Variants in FAR2 observed in about 807,000 individuals in gnomAD.
FAR2 encodes fatty acyl-CoA reductase 2, also known as epididymis secretory protein Li 81.
A neutral mutation model predicts 56.0 loss-of-function variants in FAR2; 19 were observed. The ratio of observed to expected loss-of-function variants is 0.34; its 90% CI spans 0.24 to 0.50. The LOEUF is 0.50. Ranked by LOEUF, FAR2 falls within the 20% of genes least tolerant of loss-of-function variation. FAR2 has a pLI of 0.98. For missense variants in FAR2, 508 were observed against 642.2 expected (o/e 0.79, Z 2.26); for synonymous variants, 219 against 218.8 (o/e 1.00, Z -0.01).
In FAR2 at chr12:29,260,865, ACCCAAGGCC is replaced by A. The variant is rs374576050; in HGVS notation, c.-38-9537_-38-9529del. Among the ~76,000 whole-genome samples the A allele has an allele frequency of 4.5e-3, 687 of 152,226 alleles. 2 individuals carry two copies. Among genetic ancestry groups the A allele is most frequent in the Non-Finnish European group, 7.3e-3 (496 of 68,012 alleles). On this transcript the variant is annotated intron_variant, in intron 1 of 11. Transcript: ENST00000536681. Reference sequence around the variant, plus strand: ...AATCCAGGGAATTCTCTTGGATCTTACCCAAGGCCCCCAAGGCCACCAAGGCAGTACCTT... The same window carrying A: ...AATCCAGGGAATTCTCTTGGATCTTACCCAAGGCCACCAAGGCAGTACCTT...
chr12:29,307,752 G>T lies in FAR2; in HGVS notation c.640G>T (p.Val214Leu). The T allele has an allele frequency of 6.2e-7, 1 of 1,613,812 alleles. No homozygotes were observed. The highest frequency in any genetic ancestry group is 8.5e-7 in the Non-Finnish European group (1 of 1,179,926). Residue 214 changes from valine (V) to leucine (L), a missense_variant, in exon 5 of 12, where the codon GTG becomes TTG. Val to Leu is a conservative substitution (Grantham distance 32, BLOSUM62 1). Coordinates refer to ENST00000536681, the MANE Select transcript of FAR2 (RefSeq NM_001271783.2). Reference sequence around the variant, plus strand: ...CTACACCAAGGCCTTGGGAGAAATGGTGGTGCAGCAAGAGAGCAGGAACCT... The same window carrying T: ...CTACACCAAGGCCTTGGGAGAAATGTTGGTGCAGCAAGAGAGCAGGAACCT... ...YTYTKALGEM[V>L]VQQESRNLNI...
At chr12:29,174,566 G>GC (rs1949918971) in intron 1 of FAR2, among the ~76,000 whole-genome samples, 1 of 148,894 alleles carries the variant, frequency 6.7e-6, no homozygotes, top group Non-Finnish European at 1.5e-5. Context: ...CACTACAGGG[G>GC]CCCACCACCA....
At chr12:29,310,925 T>C in intron 6 of FAR2, 103 bp from the exon 7 acceptor site, 1 of 846,228 alleles carries the variant, frequency 1.2e-6, no homozygotes, top group South Asian at 1.5e-5. Context: ...ATGTTAGCTG[T>C]TTTCACTTAT....
At chr12:29,284,040 C>T (rs1205912697) in intron 2 of FAR2, among the ~76,000 whole-genome samples, 4 of 152,190 alleles carry the variant, frequency 2.6e-5, no homozygotes, top group African/African-American at 9.7e-5. Context: ...TTTACAACAA[C>T]CATGTCCCAC....
intron 7 of FAR2, 119 bp from the exon 8 acceptor site, chr12:29,311,764 A>C: frequency 3.1e-6 from 2 of 654,790 alleles, no homozygotes; most frequent in South Asian, 4.2e-5. Context: ...AGCCTTTCAT[A>C]GGTTGCCTTA....
chr12:29,312,746 CT>C (rs2136792799), intron 8 of FAR2, among the ~76,000 whole-genome samples: 1 of 152,258 alleles, frequency 6.6e-6, no homozygotes, highest in East Asian at 1.9e-4. Context: ...TTTGGCTATT[CT>C]GTAGGATTTC....
intron 4 of FAR2, among the ~76,000 whole-genome samples, chr12:29,299,803 CTGTT>C: frequency 3.1e-5 from 1 of 32,656 alleles, no homozygotes; most frequent in Non-Finnish European, 6.3e-5. Context: ...ACTCGAAACT[CTGTT>C]TGTCCCTAGA....
Position 29,270,264 on chromosome 12 carries a change from C to T in FAR2, c.-38-148C>T, listed in dbSNP as rs555512154. The T allele has an allele frequency of 1.2e-4, 59 of 509,954 alleles. 1 individual carries two copies. Among genetic ancestry groups the T allele is most frequent in the African/African-American group, 1.1e-3 (56 of 51,738 alleles). 31.6% of individuals were successfully genotyped at this position (509,954 alleles called of 1,614,324 possible). ...TCAATAAATATTGATTGGAATGAGT[C>T]GTATTGCTTAAAAGCCACGATGCTC... is the stretch of plus-strand genomic sequence containing the variant. On this transcript the variant is annotated intron_variant, in intron 1 of 11. Transcript: ENST00000536681.
At chr12:29,225,523 A>G (rs16934037) in intron 1 of FAR2, among the ~76,000 whole-genome samples, 7,664 of 152,224 alleles carry the variant, frequency 0.05, 463 homozygotes, top group African/African-American at 0.15. Context: ...AATGCTCTAA[A>G]AAATTCGCAT....
intron 1 of FAR2, among the ~76,000 whole-genome samples, chr12:29,233,549 A>C (rs565628090): frequency 6.6e-6 from 1 of 152,292 alleles, no homozygotes; most frequent in African/African-American, 2.4e-5. Flanking sequence ...GCCTGCATGC[A>C]TTTATTTGTA....
In FAR2 at chr12:29,230,487, T is replaced by G. The variant is rs1324000669; in HGVS notation, c.-38-39925T>G. Among the ~76,000 whole-genome samples, 9 of 152,056 alleles carry G rather than the reference T, an allele frequency of 5.9e-5. 1 individual carries two copies. Among genetic ancestry groups the G allele is most frequent in the Admixed American group, 5.9e-4 (9 of 15,264 alleles). Reference sequence around the variant, plus strand: ...GAGGTCATGGGGCCACATTGTCCAGTGCCTTGCATGTGAGCCAGGCAACCC... The same window carrying G: ...GAGGTCATGGGGCCACATTGTCCAGGGCCTTGCATGTGAGCCAGGCAACCC... On this transcript the variant is annotated intron_variant, in intron 1 of 11. Transcript: ENST00000536681.
rs547754400 is a variant in FAR2, at chr12:29,240,237, A to T, written c.-38-30175A>T. Among the ~76,000 whole-genome samples the T allele has an allele frequency of 3.9e-5, 6 of 152,292 alleles. No homozygotes were observed. The South Asian group carries it at 1.0e-3, about 26-fold the overall frequency. ...CCTTTAGTAAGCAAAAACATAACTC[A>T]TGCCAGATTCCAAGCATTCTGGAAG... On this transcript the variant is annotated intron_variant, in intron 1 of 11. Transcript: ENST00000536681.
intron 1 of FAR2, among the ~76,000 whole-genome samples, chr12:29,180,633 CT>C (rs1242533172): frequency 6.6e-6 from 1 of 152,122 alleles, no homozygotes; most frequent in Non-Finnish European, 1.5e-5. Flanking sequence ...CCAAGGATGA[CT>C]TTTATGGGAG....
At chr12:29,248,040 T>C (rs1948155186) in intron 1 of FAR2, among the ~76,000 whole-genome samples, 1 of 152,222 alleles carries the variant, frequency 6.6e-6, no homozygotes, top group Non-Finnish European at 1.5e-5. Context: ...CATGTATTGT[T>C]ATGTGTGACA....
Position 29,311,884 on chromosome 12 carries a change from C to T in FAR2, c.889C>T (p.Pro297Ser). 2 of 1,600,282 alleles carry T rather than the reference C, an allele frequency of 1.2e-6. No homozygotes were observed. Among genetic ancestry groups the T allele is most frequent in the Non-Finnish European group, 1.7e-6 (2 of 1,172,642 alleles). Residue 297 changes from proline to serine, a missense_variant and splice_region_variant, in exon 8 of 12, where the codon CCT becomes TCT. Physicochemically the swap from Pro to Ser is moderately conservative, Grantham distance 74. Coordinates refer to ENST00000536681, the MANE Select transcript of FAR2 (RefSeq NM_001271783.2). ...AVGWYTAVHRPKSTLVYHITS... is the reference protein window; with the variant it reads ...AVGWYTAVHRSKSTLVYHITS... ...TCTAATTTTTATTTCATTTTCCAGA[C>T]CTAAGTCAACATTAGTCTACCACAT...
At chr12:29,316,016 C>T (rs895831531) in intron 8 of FAR2, among the ~76,000 whole-genome samples, 1 of 151,924 alleles carries the variant, frequency 6.6e-6, no homozygotes, top group Non-Finnish European at 1.5e-5. Context: ...CCAGGTGATT[C>T]TTGAGACTCT....
At chr12:29,267,425 A>C (rs552834508) in intron 1 of FAR2, among the ~76,000 whole-genome samples, 5 of 152,280 alleles carry the variant, frequency 3.3e-5, no homozygotes, top group Admixed American at 2.0e-4. Context: ...CCTGATAAGT[A>C]ACTGAGGCAC....
intron 1 of FAR2, among the ~76,000 whole-genome samples, chr12:29,228,325 G>T (rs1422948389): frequency 6.9e-6 from 1 of 145,770 alleles, no homozygotes; most frequent in East Asian, 2.0e-4. Flanking sequence ...CAATATTGGG[G>T]TGATACCTCT....
At chr12:29,318,257 C>G (rs957197098) in intron 9 of FAR2, among the ~76,000 whole-genome samples, 1 of 152,158 alleles carries the variant, frequency 6.6e-6, no homozygotes, top group South Asian at 2.1e-4. Context: ...GAGCTCATAA[C>G]TCAGTTCTTG....
Sources: allele counts gnomAD v4.1 joint callset (sites outside exome capture counted in the v4.1 genomes callset), GRCh38; gene constraint gnomAD v4.1.1; transcripts MANE v1.5; gene names NCBI Gene and HGNC (gene_info 2026-07-23, HGNC 2026-07-21).